The following VAC14 variants were observed in gnomAD, a reference collection of about 807,000 sequenced individuals.
VAC14 encodes VAC14 component of PIKFYVE complex, also known as protein VAC14 homolog.
VAC14 carries 47 observed loss-of-function variants against 85.3 expected under a neutral mutation model. The ratio of observed to expected loss-of-function variants is 0.55; its 90% CI spans 0.44 to 0.70. VAC14 has a LOEUF of 0.70. VAC14 is among the 30% of genes least tolerant of loss of function. The pLI, the probability that VAC14 is intolerant of heterozygous loss-of-function variation, is 0.00. For synonymous variants in VAC14, 447 were observed against 430.5 expected, an observed-to-expected ratio of 1.04 and a Z score of -0.47; for missense variants, 861 against 1,004.3, an observed-to-expected ratio of 0.86 and a Z score of 1.93.
At chr16:70,796,617 G>A (rs989157887) in intron 1 of VAC14, among the ~76,000 whole-genome samples, 4 of 152,164 alleles carry the variant, frequency 2.6e-5, no homozygotes, top group African/African-American at 9.7e-5. Flanking sequence ...GTGAAACAGG[G>A]TAACACCACC....
At chr16:70,718,871 G>T (rs2054224341) in intron 14 of VAC14, among the ~76,000 whole-genome samples, 1 of 152,116 alleles carries the variant, frequency 6.6e-6, no homozygotes, top group African/African-American at 2.4e-5. Flanking sequence ...ACTTGGAAGA[G>T]ACCAAAACAG....
At chr16:70,706,203 G>C (rs1170577086) in intron 14 of VAC14, among the ~76,000 whole-genome samples, 1 of 152,240 alleles carries the variant, frequency 6.6e-6, no homozygotes, top group Non-Finnish European at 1.5e-5. Context: ...GCAGGCTGTT[G>C]GCAGCTGTGG....
chr16:70,733,356 C>CG (rs773116026), intron 13 of VAC14, among the ~76,000 whole-genome samples: 23 of 151,824 alleles, frequency 1.5e-4, no homozygotes, highest in Non-Finnish European at 3.2e-4. Flanking sequence ...ATATGGAATA[C>CG]GGCTATTCTA....
rs2034010206 is a variant in VAC14 at position 70,785,579 on chromosome 16, C to A, written c.423+123G>T. The stretch of plus-strand genomic sequence containing the variant: ...TTAGATTCAACAGACAGTAAGTGTC[C>A]CTTGCAGCCACATGCTTGTTTGCTC... On this transcript the variant is annotated intron_variant, in intron 3 of 18. Coordinates refer to ENST00000261776, the MANE Select transcript of VAC14 (RefSeq NM_018052.5). 4 of 1,168,928 alleles carry A rather than the reference C, an allele frequency of 3.4e-6. No individual in the cohort carries two copies. The South Asian group carries it at 5.0e-5, about 15-fold the overall frequency. The allele number at this position is 1,168,928 out of a possible 1,614,324, so 72.4% of individuals were successfully genotyped here.
chr16:70,778,215 C>G (rs1054584842), intron 9 of VAC14, among the ~76,000 whole-genome samples: 7 of 152,198 alleles, frequency 4.6e-5, no homozygotes, highest in Non-Finnish European at 8.8e-5. Flanking sequence ...ATAGGCTGCA[C>G]TGGCCGGGAA....
chr16:70,750,313 T>C (rs2031277294), intron 12 of VAC14, among the ~76,000 whole-genome samples: 1 of 152,186 alleles, frequency 6.6e-6, no homozygotes, highest in African/African-American at 2.4e-5. Context: ...CACAGCTTTT[T>C]TGCAAAATGA....
At chr16:70,710,895 C>A (rs1040263182) in intron 14 of VAC14, among the ~76,000 whole-genome samples, 27 of 152,266 alleles carry the variant, frequency 1.8e-4, no homozygotes, top group Admixed American at 1.5e-3. Flanking sequence ...ACTAGTCTCT[C>A]GTGTTCCCGT....
At chr16:70,693,829 A>G (rs1392078398) in intron 17 of VAC14, among the ~76,000 whole-genome samples, 1 of 152,166 alleles carries the variant, frequency 6.6e-6, no homozygotes, top group Non-Finnish European at 1.5e-5. Flanking sequence ...GTGCTTTGGG[A>G]GAGGGACTAT....
At position 70,692,862 on chromosome 16, in the gene VAC14, G is replaced by A. The variant is rs1567518738; in HGVS notation, c.2145C>T (p.His715=). 1 of 1,604,856 alleles carries A rather than the reference G, an allele frequency of 6.2e-7. No homozygotes were observed. Among genetic ancestry groups the A allele is most frequent in the Non-Finnish European group, 8.5e-7 (1 of 1,177,350 alleles). ...CAGGGTTGGGCACGCACTGGAGCCGGTGCGAGAGCAGCTGGAAGGCGCTGC... is the reference window on the plus strand; with the variant it reads ...CAGGGTTGGGCACGCACTGGAGCCGATGCGAGAGCAGCTGGAAGGCGCTGC... The part of the protein sequence containing the change: ...PQSSAFQLLS[H]RLQCVPNPEL... Residue 715 remains histidine (H), a synonymous_variant, in exon 18 of 19, where the codon CAC becomes CAT. Coordinates refer to ENST00000261776, the MANE Select transcript of VAC14 (RefSeq NM_018052.5).
At chr16:70,738,352 G>A (rs767836971) in intron 13 of VAC14, among the ~76,000 whole-genome samples, 3 of 152,226 alleles carry the variant, frequency 2.0e-5, no homozygotes, top group Non-Finnish European at 2.9e-5. Context: ...GGCCTGGGTC[G>A]GCAGGACAGG....
chr16:70,755,188 G>C (rs1159810409), intron 12 of VAC14: 1 of 339,364 alleles, frequency 2.9e-6, no homozygotes, highest in Non-Finnish European at 5.9e-6. Context: ...GAGAAGGTCA[G>C]CCAGGTGGAA....
chr16:70,787,842 T>A (rs183674168), intron 1 of VAC14, among the ~76,000 whole-genome samples: 267 of 152,296 alleles, frequency 1.8e-3, no homozygotes, highest in Non-Finnish European at 2.1e-3. Context: ...CTGGGGAATC[T>A]CCAGTTAGAA....
intron 18 of VAC14, chr16:70,692,172 G>A: frequency 1.2e-6 from 1 of 834,862 alleles, no homozygotes; most frequent in Non-Finnish European, 1.4e-6. Flanking sequence ...GTGGGTTCAG[G>A]GTGGGAGCCG....
At chr16:70,765,767 C>CT (rs1372584871) in intron 10 of VAC14, among the ~76,000 whole-genome samples, 4 of 152,142 alleles carry the variant, frequency 2.6e-5, no homozygotes, top group Non-Finnish European at 5.9e-5. Context: ...GGACCAGCCC[C>CT]TCTGCACCCA....
intron 13 of VAC14, 101 bp from the exon 14 acceptor site, chr16:70,731,728 T>A (rs1350937581): frequency 1.5e-6 from 2 of 1,306,234 alleles, no homozygotes; most frequent in East Asian, 2.4e-5. Flanking sequence ...CAAAAAGATG[T>A]GTGTGGGGGG....
intron 14 of VAC14, among the ~76,000 whole-genome samples, chr16:70,709,576 G>C (rs1239359127): frequency 6.6e-6 from 1 of 152,230 alleles, no homozygotes; most frequent in Non-Finnish European, 1.5e-5. Context: ...GCAATGGTTT[G>C]TCTCCAAGGG....
intron 14 of VAC14, among the ~76,000 whole-genome samples, chr16:70,709,148 G>C (rs962564665): frequency 1.1e-4 from 16 of 152,172 alleles, no homozygotes; most frequent in African/African-American, 3.9e-4. Flanking sequence ...CTCAGCATGG[G>C]CCACTTGTGA....
At chr16:70,698,112 G>C (rs888128892) in intron 15 of VAC14, among the ~76,000 whole-genome samples, 2 of 152,240 alleles carry the variant, frequency 1.3e-5, no homozygotes, top group East Asian at 3.8e-4. Flanking sequence ...CCAGAGCCTG[G>C]GACGGATGGG....
chr16:70,720,455 T>G (rs1229636740), intron 14 of VAC14, among the ~76,000 whole-genome samples: 1 of 152,028 alleles, frequency 6.6e-6, no homozygotes. Flanking sequence ...TGTTATGTGG[T>G]AAGAAAGGGA....
Sources: allele counts gnomAD v4.1 joint callset (sites outside exome capture counted in the v4.1 genomes callset), GRCh38; gene constraint gnomAD v4.1.1; transcripts MANE v1.5; gene names NCBI Gene and HGNC (gene_info 2026-07-23, HGNC 2026-07-21).